Variants in RYR2 observed in about 807,000 individuals in gnomAD.
The protein encoded by RYR2 is cardiac muscle ryanodine receptor-calcium release channel.
In RYR2, 227 loss-of-function variants were observed where a neutral mutation model predicts 601.1. That is an observed-to-expected ratio of 0.38 (90% CI 0.34 to 0.42). The LOEUF (loss-of-function observed/expected upper bound fraction) is 0.42, where lower values mean the gene tolerates loss of function less well. Among genes scored for constraint, RYR2 ranks in the 10% least tolerant of loss-of-function variants. The pLI is 1.00. For synonymous variants in RYR2, 2,223 were observed against 2,175.1 expected (o/e 1.02, Z -0.61); for missense variants, 4,646 against 6,156.5 (o/e 0.75, Z 8.21).
chr1:237,784,390 G>A lies in RYR2; in HGVS notation c.12678G>A (p.Pro4226=), dbSNP rs768348987. 8 of 1,613,854 alleles carry A rather than the reference G, an allele frequency of 5.0e-6. No individual in the cohort carries two copies. Among genetic ancestry groups the A allele is most frequent in the East Asian group, 2.2e-5 (1 of 44,876 alleles). Residue 4226 remains proline, a synonymous_variant, in exon 90 of 105, where the codon CCG becomes CCA. Transcript: ENST00000366574. This position sits in a 1 kb window ranked among gnomAD's most constrained non-coding sequence, Gnocchi z 7.1. ...ANKEESEKER[P]EEQGPRMAFF... is the part of the protein sequence containing the mutation. ...AGGAAGAAAGCGAGAAGGAGAGGCC[G>A]GAAGAGCAGGGGCCGAGGATGGCTT...
intron 1 of RYR2, among the ~76,000 whole-genome samples, chr1:237,200,617 G>C (rs1236455890): frequency 2.6e-5 from 4 of 152,116 alleles, no homozygotes; most frequent in Non-Finnish European, 5.9e-5. Context: ...CAGAAAATAA[G>C]TAGGAAAACT....
At chr1:237,098,942 C>T (rs550864454) in intron 1 of RYR2, among the ~76,000 whole-genome samples, 3 of 152,292 alleles carry the variant, frequency 2.0e-5, no homozygotes, top group African/African-American at 7.2e-5. Context: ...TGGCATGTCT[C>T]AGCTATCCTT....
chr1:237,306,781 T>C (rs1311537869), intron 2 of RYR2, among the ~76,000 whole-genome samples: 1 of 152,162 alleles, frequency 6.6e-6, no homozygotes, highest in Non-Finnish European at 1.5e-5. Flanking sequence ...GGTTTCATCT[T>C]GAAGAATTTG....
At position 237,602,072 on chromosome 1, in the gene RYR2, A is replaced by G. The variant is rs865947296; in HGVS notation, c.4644A>G (p.Thr1548=). The G allele has an allele frequency of 9.9e-6, 16 of 1,613,216 alleles. No individual in the cohort carries two copies. The highest frequency in any genetic ancestry group is 1.3e-5 in the Non-Finnish European group (15 of 1,179,470). Residue 1548 remains threonine, a synonymous_variant, in exon 35 of 105, where the codon ACA becomes ACG. Transcript: ENST00000366574. ...KLFPAVFAQA[T]SPNVFQFELG... Reference sequence around the variant, plus strand: ...TTCCTGCGGTTTTTGCACAAGCTACAAGTCCCAATGTTTTCCAGTTTGAGT... The same window carrying G: ...TTCCTGCGGTTTTTGCACAAGCTACGAGTCCCAATGTTTTCCAGTTTGAGT...
At chr1:237,202,867 G>A (rs1159094732) in intron 1 of RYR2, among the ~76,000 whole-genome samples, 20 of 152,154 alleles carry the variant, frequency 1.3e-4, no homozygotes, top group Admixed American at 1.3e-3. Flanking sequence ...AGGAGGGAAA[G>A]GACAATTGGA....
chr1:237,170,297 G>T (rs903258843), intron 1 of RYR2, among the ~76,000 whole-genome samples: 1 of 152,178 alleles, frequency 6.6e-6, no homozygotes, highest in African/African-American at 2.4e-5. Flanking sequence ...ATTCAAAGCA[G>T]AGAAGCAGCA....
At chr1:237,465,018 T>C (rs1659908482) in intron 16 of RYR2, among the ~76,000 whole-genome samples, 2 of 152,172 alleles carry the variant, frequency 1.3e-5, no homozygotes, top group African/African-American at 4.8e-5. Flanking sequence ...GGATGAATTA[T>C]AATAATTCAC....
intron 1 of RYR2, among the ~76,000 whole-genome samples, chr1:237,089,215 C>G (rs1666686674): frequency 6.6e-6 from 1 of 152,190 alleles, no homozygotes; most frequent in South Asian, 2.1e-4. Context: ...TAACGGAGTT[C>G]AGATTAATTT....
chr1:237,097,397 G>A (rs1667605590), intron 1 of RYR2, among the ~76,000 whole-genome samples: 1 of 152,234 alleles, frequency 6.6e-6, no homozygotes, highest in African/African-American at 2.4e-5. Flanking sequence ...TAATAAGGAA[G>A]TGAACCCCAG....
At chr1:237,139,066 C>CA (rs1558304645) in intron 1 of RYR2, among the ~76,000 whole-genome samples, 1 of 152,140 alleles carries the variant, frequency 6.6e-6, no homozygotes, top group Non-Finnish European at 1.5e-5. Context: ...TATATCCACA[C>CA]AAAAACTTGC....
chr1:237,798,660 T>C (rs1026390544), intron 97 of RYR2, among the ~76,000 whole-genome samples: 3 of 152,166 alleles, frequency 2.0e-5, no homozygotes, highest in Non-Finnish European at 4.4e-5. Flanking sequence ...AGAAATAATA[T>C]ACCATCATAC....
At chr1:237,436,031 A>G (rs1470223192) in intron 12 of RYR2, among the ~76,000 whole-genome samples, 3 of 152,184 alleles carry the variant, frequency 2.0e-5, no homozygotes, top group Non-Finnish European at 2.9e-5. Context: ...AGAGCAGGGT[A>G]GAGTCCCATG....
chr1:237,768,575 G>A (rs1694025997), intron 84 of RYR2, among the ~76,000 whole-genome samples: 1 of 152,162 alleles, frequency 6.6e-6, no homozygotes, highest in Non-Finnish European at 1.5e-5. Context: ...ATTTACCAGT[G>A]TAAGAGCACT....
chr1:237,800,148 CATAAGA>C (rs1039940423), intron 97 of RYR2: 2 of 152,232 alleles, frequency 1.3e-5, no homozygotes, highest in Admixed American at 6.5e-5. Flanking sequence ...GAAAATAACT[CATAAGA>C]ATAACTTTTA....
intron 12 of RYR2, among the ~76,000 whole-genome samples, chr1:237,432,622 G>C (rs1278950500): frequency 6.6e-6 from 1 of 151,996 alleles, no homozygotes; most frequent in Non-Finnish European, 1.5e-5. Flanking sequence ...TTCCAATTAG[G>C]GCTGTCTCTG....
chr1:237,805,197 TA>T (rs990308437), intron 98 of RYR2, among the ~76,000 whole-genome samples: 1 of 152,202 alleles, frequency 6.6e-6, no homozygotes, highest in African/African-American at 2.4e-5. Context: ...AAAACTGTTT[TA>T]AAGGAGGATG....
chr1:237,505,850 A>G (rs1483745977), intron 22 of RYR2, among the ~76,000 whole-genome samples: 1 of 152,214 alleles, frequency 6.6e-6, no homozygotes. Context: ...TGGGTTTTTT[A>G]TGAACATTCA....
intron 3 of RYR2, among the ~76,000 whole-genome samples, chr1:237,345,694 AT>A (rs1698244486): frequency 6.6e-6 from 1 of 152,114 alleles, no homozygotes; most frequent in Non-Finnish European, 1.5e-5. Context: ...TTAATCATAC[AT>A]TTAAACTAAT....
At chr1:237,192,424 A>C (rs1680075926) in intron 1 of RYR2, among the ~76,000 whole-genome samples, 1 of 152,132 alleles carries the variant, frequency 6.6e-6, no homozygotes, top group South Asian at 2.1e-4. Context: ...CATGTTGGCC[A>C]GGCTGGTCTC....
Sources: gnomAD v4.1 joint callset for allele counts (sites outside exome capture counted in the v4.1 genomes callset) on GRCh38, gnomAD v4.1.1 for gene constraint, Gnocchi (gnomAD v3.1) non-coding constraint, MANE v1.5 for transcripts, NCBI Gene and HGNC (gene_info 2026-07-23, HGNC 2026-07-21) for gene names.